The following ESR2 variants were observed in gnomAD, a reference collection of about 807,000 sequenced individuals.
ESR2 encodes estrogen receptor 2, also known as estrogen receptor beta.
In ESR2, 36 loss-of-function variants were observed where a neutral mutation model predicts 49.6. That is an observed-to-expected ratio of 0.73 (90% CI 0.56 to 0.96). The LOEUF (loss-of-function observed/expected upper bound fraction) is 0.96, where lower values mean the gene tolerates loss of function less well. Among genes scored for constraint, ESR2 ranks in the 40% least tolerant of loss-of-function variants. The pLI, the probability that ESR2 is intolerant of heterozygous loss-of-function variation, is 0.00. For missense variants in ESR2, 714 were observed against 693.0 expected (o/e 1.03, Z -0.34); for synonymous variants, 320 against 266.1 (o/e 1.20, Z -1.97).
At chr14:64,276,896 G>C (rs2076567859) in intron 3 of ESR2, among the ~76,000 whole-genome samples, 1 of 152,128 alleles carries the variant, frequency 6.6e-6, no homozygotes, top group African/African-American at 2.4e-5. Flanking sequence ...ATTGGTAAGT[G>C]CCACTAGTGA....
chr14:64,254,798 A>C (rs1220123450), intron 6 of ESR2, among the ~76,000 whole-genome samples: 1 of 149,612 alleles, frequency 6.7e-6, no homozygotes, highest in African/African-American at 2.5e-5. Flanking sequence ...TAGAAATTGC[A>C]ACAACAAATA....
chr14:64,291,927 C>T (rs1436942618), intron 1 of ESR2, among the ~76,000 whole-genome samples: 1 of 151,426 alleles, frequency 6.6e-6, no homozygotes, highest in Admixed American at 6.6e-5. Context: ...TTTTAAAATT[C>T]AAAGATTATA....
chr14:64,298,041 A>T (rs191857817), upstream of ESR2, among the ~76,000 whole-genome samples: 2 of 152,352 alleles, frequency 1.3e-5, no homozygotes, highest in Admixed American at 6.5e-5. Flanking sequence ...GTGATGAATG[A>T]AAAAGATAGG....
At chr14:64,253,433 C>G (rs1418370285) in intron 6 of ESR2, among the ~76,000 whole-genome samples, 1 of 152,092 alleles carries the variant, frequency 6.6e-6, no homozygotes, top group South Asian at 2.1e-4. Context: ...TCAGGTGATC[C>G]ACCCATCTCA....
intron 1 of ESR2, among the ~76,000 whole-genome samples, chr14:64,304,926 A>C (rs2077070329): frequency 1.3e-5 from 2 of 152,160 alleles, no homozygotes; most frequent in Admixed American, 1.3e-4. Flanking sequence ...AAATTTAAAA[A>C]GTTAAAACTG....
intron 5 of ESR2, 27 bp from the exon 6 acceptor site, chr14:64,257,391 AC>A (rs1182233337): frequency 2.5e-6 from 4 of 1,611,420 alleles, no homozygotes; most frequent in African/African-American, 1.3e-5. Context: ...GCGGTGAGAC[AC>A]CCCCACCCCT....
intron 1 of ESR2, among the ~76,000 whole-genome samples, chr14:64,285,835 A>T (rs2076775788): frequency 6.6e-6 from 1 of 151,306 alleles, no homozygotes; most frequent in Non-Finnish European, 1.5e-5. Context: ...TCAAAAAAAA[A>T]AAAAAAAGAA....
intron 1 of ESR2, among the ~76,000 whole-genome samples, chr14:64,299,439 C>T (rs2076997667): frequency 7.1e-6 from 1 of 140,102 alleles, no homozygotes; most frequent in South Asian, 2.2e-4. Flanking sequence ...CTCGCTCTGT[C>T]GCCCAGGCTA....
At position 64,299,425 on chromosome 14, in the gene ESR2, G is replaced by T. The variant is rs2076997449; in HGVS notation, c.-90-16350C>A. Among the ~76,000 whole-genome samples, 6 of 144,850 alleles carry T rather than the reference G, an allele frequency of 4.1e-5. No homozygotes were observed. In the South Asian group the frequency reaches 1.3e-3, roughly 31 times the overall value. On this transcript the variant is annotated intron_variant, in intron 1 of 8. Coordinates refer to the ESR2 transcript ENST00000358599. ...TTTTTTTTTTTTTTTTTTTGAGACG[G>T]AGTCTCGCTCTGTCGCCCAGGCTAG...
chr14:64,310,535 G>A (rs558729752), intron 1 of ESR2, among the ~76,000 whole-genome samples: 2 of 149,084 alleles, frequency 1.3e-5, no homozygotes, highest in South Asian at 4.3e-4. Context: ...GCAGTAGTAC[G>A]ATCTTGGCTC....
chr14:64,293,358 G>A (rs2076903631), intron 1 of ESR2, among the ~76,000 whole-genome samples: 1 of 152,204 alleles, frequency 6.6e-6, no homozygotes, highest in Admixed American at 6.5e-5. Context: ...CCTCCAAAAT[G>A]TTGCCTACCA....
intron 7 of ESR2, among the ~76,000 whole-genome samples, chr14:64,242,399 C>G (rs1250291347): frequency 8.4e-6 from 1 of 118,544 alleles, no homozygotes; most frequent in African/African-American, 3.6e-5. Flanking sequence ...GAGAGTGAGA[C>G]TGTCTCAAAA....
chr14:64,253,594 G>GTA (rs2076034546), intron 6 of ESR2, among the ~76,000 whole-genome samples: 1 of 141,546 alleles, frequency 7.1e-6, no homozygotes, highest in Admixed American at 7.1e-5. Flanking sequence ...GTGTGTGTGT[G>GTA]TGTGTGTGTG....
chr14:64,297,337 TG>T (rs2076969963), upstream of ESR2, among the ~76,000 whole-genome samples: 2 of 152,284 alleles, frequency 1.3e-5, no homozygotes, highest in Admixed American at 1.3e-4. Flanking sequence ...AGGAAGTCAA[TG>T]TAGTACAGGT....
At chr14:64,313,878 C>CAA (rs58601573) in intron 1 of ESR2, among the ~76,000 whole-genome samples, 9 of 95,926 alleles carry the variant, frequency 9.4e-5, no homozygotes, top group African/African-American at 2.5e-4. Context: ...GACTCTGTCT[C>CAA]AAAAAAAAAA....
chr14:64,229,727 C>G lies in ESR2; in HGVS notation c.*3410G>C, dbSNP rs1051670503. On this transcript the variant is annotated 3_prime_UTR_variant, in exon 9 of 9. Coordinates refer to ENST00000341099, the MANE Select transcript of ESR2 (RefSeq NM_001437.3). Reference sequence around the variant, plus strand: ...TTCAGCAAGTTTGCTTAGACCGTGTCTAGTTCCACAACCAGAAAATAAGGA... The same window carrying G: ...TTCAGCAAGTTTGCTTAGACCGTGTGTAGTTCCACAACCAGAAAATAAGGA... Among the ~76,000 whole-genome samples, 3 of 152,210 alleles carry G rather than the reference C, an allele frequency of 2.0e-5. No homozygotes were observed. Among genetic ancestry groups the G allele is most frequent in the African/African-American group, 7.2e-5 (3 of 41,450 alleles).
In ESR2 at chr14:64,309,765, T is replaced by G. The variant is rs372857210; in HGVS notation, c.-90-26690A>C. 5.3e-5 allele frequency among the ~76,000 whole-genome samples: 8 copies of G among 151,724 alleles called. No homozygotes were observed. The East Asian group carries it at 1.6e-3, about 29-fold the overall frequency. ...TGGGTGGATGGCTTGAGGCCAGGAG[T>G]TCGAGGACAGCTTGACTAACATGGT... On this transcript the variant is annotated intron_variant, in intron 1 of 8. Coordinates refer to the ESR2 transcript ENST00000358599.
Position 64,326,475 on chromosome 14 carries a change from A to G in ESR2, c.-91+11423T>C, listed in dbSNP as rs556892265. 9.2e-5 allele frequency among the ~76,000 whole-genome samples: 14 copies of G among 152,292 alleles called. No individual in the cohort carries two copies. The South Asian group carries it at 1.9e-3, about 20-fold the overall frequency. The stretch of plus-strand genomic sequence containing the variant: ...TTATTATTCTAATATTAATAACATT[A>G]ACTTTTTTTGATGTAGAAAGTGGTT... On this transcript the variant is annotated intron_variant, in intron 1 of 8. Coordinates refer to the ESR2 transcript ENST00000358599.
chr14:64,300,100 A>G (rs2077005824), intron 1 of ESR2, among the ~76,000 whole-genome samples: 1 of 152,180 alleles, frequency 6.6e-6, no homozygotes, highest in Non-Finnish European at 1.5e-5. Flanking sequence ...ACTGGCTTCT[A>G]GTTAACAAAG....
Sources: allele counts gnomAD v4.1 joint callset (sites outside exome capture counted in the v4.1 genomes callset), GRCh38; gene constraint gnomAD v4.1.1; transcripts MANE v1.5; gene names NCBI Gene and HGNC (gene_info 2026-07-23, HGNC 2026-07-21).